The following MTX2 variants were observed in gnomAD, a reference collection of about 807,000 sequenced individuals.
MTX2 encodes the protein metaxin-2.
A neutral mutation model predicts 42.3 loss-of-function variants in MTX2; 35 were observed. The observed-to-expected ratio is 0.83, with a 90% CI of 0.63 to 1.10. The LOEUF (loss-of-function observed/expected upper bound fraction) is 1.10, where lower values mean the gene tolerates loss of function less well. Among genes scored for constraint, MTX2 ranks in the 50% least tolerant of loss-of-function variants. The probability of loss-of-function intolerance (pLI) is 0.00; values close to 1 mark genes in which losing one functional copy is unlikely to be tolerated. For missense variants in MTX2, 307 were observed against 304.1 expected, an observed-to-expected ratio of 1.01 and a Z score of -0.07; for synonymous variants, 119 against 100.9, an observed-to-expected ratio of 1.18 and a Z score of -1.08.
chr2:176,279,157 T>C (rs1693021325), intron 1 of MTX2, among the ~76,000 whole-genome samples: 1 of 152,190 alleles, frequency 6.6e-6, no homozygotes, highest in Non-Finnish European at 1.5e-5. Context: ...AGAACTTGTA[T>C]AAGCCAAAGA....
chr2:176,316,344 T>G (rs1342799736), intron 3 of MTX2, among the ~76,000 whole-genome samples: 8 of 152,148 alleles, frequency 5.3e-5, no homozygotes, highest in African/African-American at 1.9e-4. Context: ...TGGAATTTAG[T>G]GTAAGAAATC....
intron 3 of MTX2, 115 bp from the exon 4 acceptor site, chr2:176,323,277 C>G (rs946997483): frequency 3.6e-6 from 3 of 832,782 alleles, no homozygotes; most frequent in African/African-American, 3.4e-5. Context: ...TCATTGTTTT[C>G]TATTAGAGTT....
intron 6 of MTX2, 64 bp from the exon 7 acceptor site, chr2:176,328,810 T>C: frequency 6.6e-7 from 1 of 1,523,100 alleles, no homozygotes; most frequent in Non-Finnish European, 9.0e-7. Flanking sequence ...TGGCAAAAAA[T>C]AACTTTCTTT....
At chr2:176,278,739 A>G (rs950900244) in intron 1 of MTX2, among the ~76,000 whole-genome samples, 3 of 152,194 alleles carry the variant, frequency 2.0e-5, no homozygotes, top group Admixed American at 1.3e-4. Context: ...TAGAGATGAG[A>G]TATTGAAAAT....
chr2:176,333,715 T>C (rs1473058647), intron 9 of MTX2, among the ~76,000 whole-genome samples: 2 of 151,702 alleles, frequency 1.3e-5, no homozygotes, highest in Non-Finnish European at 3.0e-5. Context: ...GATTGTAATA[T>C]ATTTTTACTT....
intron 1 of MTX2, 147 bp downstream of exon 1, chr2:176,269,816 T>A (rs1447060068): frequency 1.0e-6 from 1 of 981,526 alleles, no homozygotes; most frequent in East Asian, 3.1e-5. Context: ...CTACCAACCT[T>A]ATCTCACATA....
chr2:176,323,826 C>A (rs1684642553), intron 4 of MTX2, among the ~76,000 whole-genome samples: 1 of 151,472 alleles, frequency 6.6e-6, no homozygotes, highest in African/African-American at 2.4e-5. Context: ...TTTATTATTC[C>A]ACACATCTTT....
In MTX2 at chr2:176,337,740, G is replaced by T; in HGVS notation, c.*76G>T. ...AATGTTACATTAGATATTGGTGTCAGAATTTTAAAACCAAATTACTGCTTT... is the reference window on the plus strand; with the variant it reads ...AATGTTACATTAGATATTGGTGTCATAATTTTAAAACCAAATTACTGCTTT... On this transcript the variant is annotated 3_prime_UTR_variant, in exon 10 of 10. Transcript: ENST00000249442. The T allele has an allele frequency of 7.3e-7, 1 of 1,361,890 alleles. No homozygotes were observed. Among genetic ancestry groups the T allele is most frequent in the Non-Finnish European group, 9.8e-7 (1 of 1,019,236 alleles). The allele number at this position is 1,361,890 out of a possible 1,614,324, so 84.4% of individuals were successfully genotyped here.
At chr2:176,334,305 CAAGAA>C (rs1168789885) in intron 9 of MTX2, among the ~76,000 whole-genome samples, 1 of 151,750 alleles carries the variant, frequency 6.6e-6, no homozygotes, top group African/African-American at 2.4e-5. Flanking sequence ...GGCTCTAGTA[CAAGAA>C]GTATAGGGTA....
At chr2:176,271,332 T>A (rs888027819) in intron 1 of MTX2, among the ~76,000 whole-genome samples, 2 of 152,162 alleles carry the variant, frequency 1.3e-5, no homozygotes, top group Admixed American at 1.3e-4. Flanking sequence ...TTAATAATCC[T>A]TGGATAGCAG....
rs191578386 is a variant in MTX2 at position 176,307,567 on chromosome 2, C to T, written c.135+9672C>T. Among the ~76,000 whole-genome samples, 560 of 152,254 alleles carry T rather than the reference C, an allele frequency of 3.7e-3. 6 individuals are homozygous for T. Among genetic ancestry groups the T allele is most frequent in the East Asian group, 0.036 (185 of 5,178 alleles). ...ATGTTCTTCCATTTGTTTGTGTCCT[C>T]TTTTATTTCCTTGAGCAGTAGTTTG... On this transcript the variant is annotated intron_variant, in intron 3 of 9. Coordinates refer to ENST00000249442, the MANE Select transcript of MTX2 (RefSeq NM_006554.5).
At chr2:176,283,448 G>A (rs557038198) in intron 1 of MTX2, among the ~76,000 whole-genome samples, 4 of 152,180 alleles carry the variant, frequency 2.6e-5, no homozygotes, top group Admixed American at 2.0e-4. Context: ...ATTCTTGACC[G>A]TTACCTCATT....
chr2:176,311,851 G>A (rs1273809627), intron 3 of MTX2, among the ~76,000 whole-genome samples: 1 of 152,164 alleles, frequency 6.6e-6, no homozygotes, highest in Non-Finnish European at 1.5e-5. Context: ...GACCCCTTGC[G>A]CTTCCTGGGT....
intron 3 of MTX2, among the ~76,000 whole-genome samples, chr2:176,310,921 C>G (rs187179330): frequency 6.6e-6 from 1 of 152,346 alleles, no homozygotes; most frequent in Non-Finnish European, 1.5e-5. Context: ...AAGTCATTCT[C>G]TGTCCAGCTT....
intron 3 of MTX2, among the ~76,000 whole-genome samples, chr2:176,315,080 A>G (rs1558938800): frequency 6.6e-6 from 1 of 152,146 alleles, no homozygotes; most frequent in African/African-American, 2.4e-5. Flanking sequence ...GGGCTTCTCA[A>G]ATTTTTAATA....
At chr2:176,312,726 G>C (rs1306832767) in intron 3 of MTX2, among the ~76,000 whole-genome samples, 1 of 151,826 alleles carries the variant, frequency 6.6e-6, no homozygotes, top group African/African-American at 2.4e-5. Context: ...AGCCAGGGGT[G>C]GTGGCGCATG....
chr2:176,323,346 T>C, intron 3 of MTX2, 46 bp from the exon 4 acceptor site: 3 of 1,472,964 alleles, frequency 2.0e-6, no homozygotes, highest in Non-Finnish European at 2.8e-6. Flanking sequence ...TGTTCAAATA[T>C]GCATATGCTT....
chr2:176,273,212 C>T (rs1692865677), intron 1 of MTX2, among the ~76,000 whole-genome samples: 1 of 152,162 alleles, frequency 6.6e-6, no homozygotes, highest in Non-Finnish European at 1.5e-5. Flanking sequence ...TCTTAACAAT[C>T]CCACCTGTTA....
intron 3 of MTX2, among the ~76,000 whole-genome samples, chr2:176,310,919 C>T (rs1684288210): frequency 6.6e-6 from 1 of 152,208 alleles, no homozygotes; most frequent in Non-Finnish European, 1.5e-5. Flanking sequence ...GAAAGTCATT[C>T]TCTGTCCAGC....
Sources: gnomAD v4.1 joint callset for allele counts (sites outside exome capture counted in the v4.1 genomes callset) on GRCh38, gnomAD v4.1.1 for gene constraint, MANE v1.5 for transcripts, NCBI Gene and HGNC (gene_info 2026-07-23, HGNC 2026-07-21) for gene names.